Variants in IGF1R observed in about 807,000 individuals in gnomAD.
IGF1R encodes the protein insulin like growth factor 1 receptor, also known as insulin-like growth factor 1 receptor.
Under a neutral mutation model 144.6 loss-of-function variants are expected in IGF1R, and 44 were observed. The observed-to-expected ratio is 0.30, with a 90% confidence interval of 0.24 to 0.39. The LOEUF (loss-of-function observed/expected upper bound fraction) is 0.39. Among genes scored for constraint, IGF1R ranks in the 10% least tolerant of loss-of-function variants. The pLI is 1.00. For synonymous variants in IGF1R, 795 were observed against 722.8 expected, an observed-to-expected ratio of 1.10 and a Z score of -1.60; for missense variants, 1,355 against 1,833.7, an observed-to-expected ratio of 0.74 and a Z score of 4.77.
chr15:98,940,862 C>T (rs1293468386), intron 18 of IGF1R, among the ~76,000 whole-genome samples: 3 of 152,222 alleles, frequency 2.0e-5, no homozygotes, highest in African/African-American at 4.8e-5. Context: ...CACGTTGAGA[C>T]GTCCTCACGT....
At chr15:98,827,521 C>G (rs2056915819) in intron 2 of IGF1R, among the ~76,000 whole-genome samples, 1 of 152,188 alleles carries the variant, frequency 6.6e-6, no homozygotes. Context: ...TTTGGAGATA[C>G]TATGAATTGG....
chr15:98,697,969 A>G (rs2053635164), intron 1 of IGF1R, among the ~76,000 whole-genome samples: 1 of 146,854 alleles, frequency 6.8e-6, no homozygotes, highest in Middle Eastern at 4.3e-3. Context: ...TCCTGGCCTC[A>G]AGTGATCCCC....
At chr15:98,657,105 G>T (rs759231666) in intron 1 of IGF1R, among the ~76,000 whole-genome samples, 3 of 152,230 alleles carry the variant, frequency 2.0e-5, no homozygotes, top group Non-Finnish European at 4.4e-5. Flanking sequence ...GTTAGTCTCT[G>T]TAAAGTTGGT....
At chr15:98,946,123 T>A (rs946311633) in intron 19 of IGF1R, among the ~76,000 whole-genome samples, 11 of 151,778 alleles carry the variant, frequency 7.2e-5, no homozygotes, top group South Asian at 2.1e-4. Flanking sequence ...TTGCATCATC[T>A]TCTTCACAGA....
At chr15:98,741,599 T>G (rs1216988005) in intron 2 of IGF1R, among the ~76,000 whole-genome samples, 1 of 152,198 alleles carries the variant, frequency 6.6e-6, no homozygotes, top group Non-Finnish European at 1.5e-5. Context: ...GTGCTGCATT[T>G]CTGCACGTCG....
At chr15:98,770,490 TA>T (rs1436051997) in intron 2 of IGF1R, among the ~76,000 whole-genome samples, 4 of 152,220 alleles carry the variant, frequency 2.6e-5, no homozygotes, top group African/African-American at 9.6e-5. Context: ...ATAGAAAGGA[TA>T]CATGTTTGAA....
At chr15:98,830,540 CT>C (rs1229200882) in intron 2 of IGF1R, among the ~76,000 whole-genome samples, 6 of 147,290 alleles carry the variant, frequency 4.1e-5, no homozygotes, top group Admixed American at 1.4e-4. Flanking sequence ...AGAGGGTTAG[CT>C]TTTTTTTTTC....
chr15:98,957,626 T>C lies in IGF1R; in HGVS notation c.*184T>C, dbSNP rs2017058865. The C allele has an allele frequency of 1.4e-6, 1 of 701,710 alleles. No homozygotes were observed. The highest frequency in any genetic ancestry group is 2.6e-5 in the Admixed American group (1 of 37,796). The allele number at this position is 701,710 out of a possible 1,614,324, so 43.5% of individuals were successfully genotyped here. A position where few individuals can be genotyped will look rare whatever the true frequency, so the allele number is the denominator to read the frequency against. On this transcript the variant is annotated 3_prime_UTR_variant, in exon 21 of 21. Transcript: ENST00000650285. ...AAACACATTTGGGATGTTCCTTTTT[T>C]CAATATGCAAGCAGCTTTTTATTCC...
chr15:98,715,553 C>T (rs911170394), intron 2 of IGF1R, among the ~76,000 whole-genome samples: 3 of 152,340 alleles, frequency 2.0e-5, no homozygotes, highest in African/African-American at 7.2e-5. Context: ...TTGCTTTCCT[C>T]ATGTGTATGC....
In IGF1R at chr15:98,686,258, G is replaced by A. The variant is rs563025234; in HGVS notation, c.95-21304G>A. Among the ~76,000 whole-genome samples, 4 of 152,332 alleles carry A rather than the reference G, an allele frequency of 2.6e-5. No individual in the cohort carries two copies. The South Asian group carries it at 8.3e-4, about 32-fold the overall frequency. ...CAATAATATTTAATAATATATGTAT[G>A]TGTGATAACACATTTATATAATGTC... is the stretch of plus-strand genomic sequence containing the variant. On this transcript the variant is annotated intron_variant, in intron 1 of 20. Coordinates refer to ENST00000650285, the MANE Select transcript of IGF1R (RefSeq NM_000875.5).
intron 2 of IGF1R, among the ~76,000 whole-genome samples, chr15:98,872,590 G>A (rs1340749572): frequency 2.6e-5 from 4 of 152,190 alleles, no homozygotes; most frequent in South Asian, 2.1e-4. Flanking sequence ...GTATAGTTCC[G>A]TGGTTTGCCA....
chr15:98,913,230 C>A lies in IGF1R; in HGVS notation c.1776C>A (p.Asp592Glu), dbSNP rs1163297963. ...TGACCCTCACCATGGTGGAGAACGA[C>A]CATATCCGTGGGGCCAAGAGTGAGA... The part of the protein sequence containing the change: ...KAVTLTMVEN[D>E]HIRGAKSEIL... The change falls in exon 8 of 21, where the codon GAC becomes GAA. Residue 592 changes from aspartate to glutamate, a missense_variant. By Grantham distance (45) the Asp-to-Glu change is conservative. Coordinates refer to ENST00000650285, the MANE Select transcript of IGF1R (RefSeq NM_000875.5). 1.9e-6 allele frequency: 3 copies of A among 1,614,174 alleles called. No individual in the cohort carries two copies. Among genetic ancestry groups the A allele is most frequent in the Non-Finnish European group, 2.5e-6 (3 of 1,180,024 alleles).
At chr15:98,727,379 A>T (rs1056737868) in intron 2 of IGF1R, among the ~76,000 whole-genome samples, 5 of 149,928 alleles carry the variant, frequency 3.3e-5, no homozygotes, top group African/African-American at 1.2e-4. Context: ...GTAGGTTTAC[A>T]TTTTTTTTTT....
At chr15:98,873,335 A>G (rs752122249) in intron 2 of IGF1R, among the ~76,000 whole-genome samples, 2 of 152,236 alleles carry the variant, frequency 1.3e-5, no homozygotes, top group Non-Finnish European at 2.9e-5. Flanking sequence ...CTCTTTAGGT[A>G]AATAGATTTG....
chr15:98,741,490 G>A (rs952778843), intron 2 of IGF1R, among the ~76,000 whole-genome samples: 1 of 152,126 alleles, frequency 6.6e-6, no homozygotes, highest in African/African-American at 2.4e-5. Context: ...CAGACACCCA[G>A]AGGGGTCATG....
At chr15:98,904,095 C>T (rs1000652651) in intron 5 of IGF1R, among the ~76,000 whole-genome samples, 1 of 146,570 alleles carries the variant, frequency 6.8e-6, no homozygotes, top group Non-Finnish European at 1.5e-5. Context: ...CTCTGTCACC[C>T]AGGCTGCAGT....
chr15:98,851,559 G>A (rs1284924773), intron 2 of IGF1R, among the ~76,000 whole-genome samples: 2 of 151,854 alleles, frequency 1.3e-5, no homozygotes, highest in African/African-American at 4.9e-5. Context: ...AAGAATCTCT[G>A]GACTCTGGCT....
intron 2 of IGF1R, among the ~76,000 whole-genome samples, chr15:98,785,003 G>A (rs1454666830): frequency 1.3e-5 from 2 of 152,126 alleles, no homozygotes. Flanking sequence ...GAAAGAATAT[G>A]AACACACAGA....
At chr15:98,939,017 C>T (rs957298543) in intron 17 of IGF1R, among the ~76,000 whole-genome samples, 184 bp from the exon 18 acceptor site, 4 of 152,240 alleles carry the variant, frequency 2.6e-5, no homozygotes, top group Middle Eastern at 3.4e-3. Context: ...AATAAGCTTG[C>T]GGGGAGCAAG....
Sources: gnomAD v4.1 joint callset for allele counts (sites outside exome capture counted in the v4.1 genomes callset) on GRCh38, gnomAD v4.1.1 for gene constraint, MANE v1.5 for transcripts, NCBI Gene and HGNC (gene_info 2026-07-23, HGNC 2026-07-21) for gene names.